IFI27L1: variants seen among roughly 807,000 people sequenced by gnomAD.
The protein encoded by IFI27L1 is interferon alpha inducible protein 27 like 1, also known as interferon alpha-inducible protein 27-like protein 1.
Under a neutral mutation model 9.2 loss-of-function variants are expected in IFI27L1, and 3 were observed. The ratio of observed to expected loss-of-function variants is 0.32; its 90% confidence interval spans 0.15 to 0.84. The LOEUF (loss-of-function observed/expected upper bound fraction) is 0.84. IFI27L1 is among the 40% of genes least tolerant of loss of function. The pLI, the probability that IFI27L1 is intolerant of heterozygous loss-of-function variation, is 0.56. For missense variants in IFI27L1, 133 were observed against 134.2 expected, an observed-to-expected ratio of 0.99 and a Z score of 0.05; for synonymous variants, 53 against 50.0, an observed-to-expected ratio of 1.06 and a Z score of -0.26.
chr14:94,089,030 A>ATTTTATTTT (rs1886379245), intron 1 of IFI27L1: 1 of 151,728 alleles, frequency 6.6e-6, no homozygotes, highest in African/African-American at 2.4e-5. Flanking sequence ...TTATTTTGTT[A>ATTTTATTTT]TTTTTATTTT....
At chr14:94,086,621 C>T (rs1235263115) in intron 1 of IFI27L1, among the ~76,000 whole-genome samples, 4 of 152,246 alleles carry the variant, frequency 2.6e-5, no homozygotes, top group Middle Eastern at 3.4e-3. Flanking sequence ...TAATGTCACC[C>T]CAAACCAGGG....
rs903783708 is a variant in IFI27L1 at position 94,101,976 on chromosome 14, G to A, written c.223+1G>A. On this transcript the variant is annotated splice_donor_variant, in intron 4 of 4. Coordinates refer to ENST00000555523, the MANE Select transcript of IFI27L1 (RefSeq NM_206949.3). LOFTEE classifies it high-confidence loss of function. ...CTGGTGGCTATTCTGCAGTCAGTGG[G>A]TGAGTGTTCTGGACAGGATGACCAG... 1 of 1,614,108 alleles carries A rather than the reference G, an allele frequency of 6.2e-7. No individual in the cohort carries two copies. Among genetic ancestry groups the A allele is most frequent in the Non-Finnish European group, 8.5e-7 (1 of 1,180,050 alleles).
intron 1 of IFI27L1, among the ~76,000 whole-genome samples, chr14:94,085,968 G>T (rs1251781961): frequency 1.3e-5 from 2 of 152,200 alleles, no homozygotes; most frequent in African/African-American, 4.8e-5. Flanking sequence ...ACATACGTAT[G>T]TATAAGCATT....
At position 94,102,571 on chromosome 14, in the gene IFI27L1, A is replaced by G. The variant is rs1886945062; in HGVS notation, c.*3A>G. 1.3e-6 allele frequency: 2 copies of G among 1,525,222 alleles called. No individual in the cohort carries two copies. Among genetic ancestry groups the G allele is most frequent in the Non-Finnish European group, 1.8e-6 (2 of 1,134,074 alleles). The allele number at this position is 1,525,222 out of a possible 1,614,324, so 94.5% of individuals were successfully genotyped here. A position where few individuals can be genotyped will look rare whatever the true frequency, so the allele number is the denominator to read the frequency against. ...TGGGTTCACCCCCTTCCAGCTGAAC[A>G]CCACACTGAGGCAGGGAGTTGGCTC... On this transcript the variant is annotated 3_prime_UTR_variant, in exon 5 of 5. Coordinates refer to ENST00000555523, the MANE Select transcript of IFI27L1 (RefSeq NM_206949.3).
intron 1 of IFI27L1, among the ~76,000 whole-genome samples, chr14:94,087,937 A>G (rs1886337781): frequency 6.6e-6 from 1 of 152,328 alleles, no homozygotes; most frequent in Non-Finnish European, 1.5e-5. Context: ...AGAACACGCC[A>G]TACCCAGCAG....
intron 2 of IFI27L1, chr14:94,097,612 C>T (rs773000164): frequency 7.0e-5 from 49 of 702,124 alleles, no homozygotes; most frequent in South Asian, 5.8e-4. Context: ...CTGAGAGACG[C>T]GGGTGGCTTG....
At chr14:94,085,388 C>T (rs147503176) in intron 1 of IFI27L1, among the ~76,000 whole-genome samples, 6 of 152,296 alleles carry the variant, frequency 3.9e-5, no homozygotes, top group African/African-American at 9.6e-5. Flanking sequence ...GAAGACTAAA[C>T]GTAAATGCAT....
At chr14:94,095,122 C>T (rs1316412105) in intron 1 of IFI27L1, among the ~76,000 whole-genome samples, 4 of 152,176 alleles carry the variant, frequency 2.6e-5, no homozygotes, top group Admixed American at 2.6e-4. Context: ...GCAGCCTCGA[C>T]TTCCTAGGTA....
intron 1 of IFI27L1, among the ~76,000 whole-genome samples, chr14:94,094,083 T>C (rs1886581850): frequency 6.6e-6 from 1 of 152,128 alleles, no homozygotes; most frequent in Non-Finnish European, 1.5e-5. Context: ...CCAACCCCAG[T>C]CCTGCAACGA....
intron 4 of IFI27L1, 47 bp from the exon 5 acceptor site, chr14:94,102,430 C>T (rs2295217): frequency 0.24 from 299,240 of 1,256,506 alleles, 38,272 homozygotes; most frequent in East Asian, 0.49. Flanking sequence ...CTGTTAGGAG[C>T]TGCTACCCCT....
chr14:94,088,453 T>C (rs1886355759), intron 1 of IFI27L1: 2 of 666,524 alleles, frequency 3.0e-6, no homozygotes, highest in Non-Finnish European at 5.4e-6. Context: ...GTTGGGGCAT[T>C]CCTGGAACAT....
chr14:94,100,820 C>T (rs777743101), intron 3 of IFI27L1, 49 bp downstream of exon 3: 2 of 1,600,582 alleles, frequency 1.2e-6, no homozygotes, highest in East Asian at 2.2e-5. Flanking sequence ...CGCCTCCCCC[C>T]AGCCCTGAGC....
chr14:94,094,576 G>C (rs1886601484), intron 1 of IFI27L1, among the ~76,000 whole-genome samples: 1 of 152,150 alleles, frequency 6.6e-6, no homozygotes, highest in Admixed American at 6.5e-5. Flanking sequence ...CCAAAACCTA[G>C]ATGGTGACGG....
intron 1 of IFI27L1, among the ~76,000 whole-genome samples, chr14:94,086,492 A>G (rs886877174): frequency 1.3e-5 from 2 of 152,178 alleles, no homozygotes; most frequent in African/African-American, 2.4e-5. Context: ...CCCATTGCCA[A>G]TAAATATTAA....
intron 1 of IFI27L1, among the ~76,000 whole-genome samples, chr14:94,085,149 G>A (rs1886240752): frequency 6.6e-6 from 1 of 152,338 alleles, no homozygotes; most frequent in Non-Finnish European, 1.5e-5. Flanking sequence ...AAGGGTAGAT[G>A]TGGGCTGAGG....
intron 4 of IFI27L1, chr14:94,102,197 C>G (rs1042346917): frequency 9.9e-6 from 6 of 608,696 alleles, no homozygotes; most frequent in Non-Finnish European, 1.7e-5. Context: ...GTCTCCTCCC[C>G]TCTCTGGGCC....
chr14:94,096,742 C>A, intron 1 of IFI27L1, 145 bp from the exon 2 acceptor site: 15 of 457,896 alleles, frequency 3.3e-5, no homozygotes, highest in Admixed American at 1.4e-4. Flanking sequence ...AGGGTAGTTA[C>A]TCAAAAGTGG....
At chr14:94,086,712 C>T (rs1365412661) in intron 1 of IFI27L1, among the ~76,000 whole-genome samples, 1 of 152,042 alleles carries the variant, frequency 6.6e-6, no homozygotes, top group East Asian at 1.9e-4. Context: ...AGAACTTTTG[C>T]AAATAATAAT....
rs1173957246 is a variant in IFI27L1, at chr14:94,102,517, CT to C, written c.267del (p.Phe89LeufsTer31). 6.3e-7 allele frequency: 1 copy of C among 1,593,716 alleles called. No individual in the cohort carries two copies. The highest frequency in any genetic ancestry group is 1.4e-5 in the African/African-American group (1 of 73,936). On this transcript the variant is annotated frameshift_variant, in exon 5 of 5. Coordinates refer to ENST00000555523, the MANE Select transcript of IFI27L1 (RefSeq NM_206949.3). LOFTEE classifies it low-confidence loss of function (END_TRUNC). ...LSVTSKVIGG[F>X]AGTALGAWLG... Reference sequence around the variant, plus strand: ...CTGTGACATCTAAAGTTATCGGGGGCTTTGCTGGGACAGCTCTTGGGGCCTG... The same window carrying C: ...CTGTGACATCTAAAGTTATCGGGGGCTTGCTGGGACAGCTCTTGGGGCCTG...
Sources: allele counts gnomAD v4.1 joint callset (sites outside exome capture counted in the v4.1 genomes callset), GRCh38; gene constraint gnomAD v4.1.1; transcripts MANE v1.5; gene names NCBI Gene and HGNC (gene_info 2026-07-23, HGNC 2026-07-21).